The following CBLB variants were observed in gnomAD, a reference collection of about 807,000 sequenced individuals.
CBLB encodes the protein Cbl proto-oncogene B.
CBLB carries 31 observed loss-of-function variants against 104.9 expected under a neutral mutation model. The observed-to-expected ratio is 0.30, with a 90% CI of 0.22 to 0.40. The LOEUF is 0.40. CBLB is among the 10% of genes least tolerant of loss of function. The pLI, the probability that CBLB is intolerant of heterozygous loss-of-function variation, is 1.00. For synonymous variants in CBLB, 440 were observed against 422.6 expected (o/e 1.04, Z -0.51); for missense variants, 1,062 against 1,214.6 (o/e 0.87, Z 1.87).
intron 9 of CBLB, among the ~76,000 whole-genome samples, chr3:105,722,198 C>CAAAAAAAA (rs5851468): frequency 1.8e-4 from 15 of 84,386 alleles, no homozygotes; most frequent in East Asian, 3.1e-4. Context: ...GACCCCGTGC[C>CAAAAAAAA]AAAAAAAAAA....
chr3:105,673,259 GAGTTTCA>G (rs1399914472), intron 17 of CBLB: 1 of 152,064 alleles, frequency 6.6e-6, no homozygotes, highest in Non-Finnish European at 1.5e-5. Context: ...TGTAGAGCTG[GAGTTTCA>G]CCATGTTGGC....
chr3:105,733,040 A>T (rs2074490163), intron 9 of CBLB, among the ~76,000 whole-genome samples: 1 of 152,196 alleles, frequency 6.6e-6, no homozygotes, highest in Non-Finnish European at 1.5e-5. Flanking sequence ...GATCCATTTT[A>T]AAAATCCCCA....
intron 13 of CBLB, among the ~76,000 whole-genome samples, chr3:105,691,814 G>A (rs1214959713): frequency 1.3e-5 from 2 of 152,120 alleles, no homozygotes; most frequent in Admixed American, 6.5e-5. Flanking sequence ...ACCGTCCCCT[G>A]AATGATGCCA....
intron 4 of CBLB, among the ~76,000 whole-genome samples, chr3:105,772,060 T>A (rs1001656175): frequency 2.0e-5 from 3 of 152,026 alleles, no homozygotes; most frequent in Non-Finnish European, 2.9e-5. Flanking sequence ...AGAGACCATA[T>A]CACCAAAGCA....
At chr3:105,778,000 C>A (rs1488495538) in intron 3 of CBLB, among the ~76,000 whole-genome samples, 3 of 152,112 alleles carry the variant, frequency 2.0e-5, no homozygotes, top group African/African-American at 7.2e-5. Context: ...TCTTTATATT[C>A]CCTTTTGCTC....
intron 1 of CBLB, chr3:105,868,405 G>A (rs1443182218): frequency 2.5e-6 from 1 of 405,466 alleles, no homozygotes; most frequent in Non-Finnish European, 4.2e-6. Context: ...GCAGGAGGAA[G>A]GTGGACTGGG....
intron 2 of CBLB, among the ~76,000 whole-genome samples, chr3:105,856,864 C>A (rs1698896309): frequency 6.6e-6 from 1 of 152,104 alleles, no homozygotes; most frequent in Non-Finnish European, 1.5e-5. Context: ...AGAGTTCATT[C>A]TGCCCTAAAG....
intron 3 of CBLB, among the ~76,000 whole-genome samples, chr3:105,786,499 T>C (rs1287400845): frequency 1.3e-5 from 2 of 152,136 alleles, no homozygotes; most frequent in Admixed American, 1.3e-4. Flanking sequence ...GCCAAACCAC[T>C]TGCATGACCA....
intron 6 of CBLB, among the ~76,000 whole-genome samples, chr3:105,741,670 C>T (rs1180451612): frequency 6.6e-6 from 1 of 152,164 alleles, no homozygotes; most frequent in Non-Finnish European, 1.5e-5. Context: ...GCTGGGATTA[C>T]AGGCATGAGC....
At chr3:105,688,085 T>C (rs1243077057) in intron 13 of CBLB, among the ~76,000 whole-genome samples, 1 of 152,014 alleles carries the variant, frequency 6.6e-6, no homozygotes, top group Non-Finnish European at 1.5e-5. Context: ...GTAGAAAAAA[T>C]TTCTATCTTA....
intron 3 of CBLB, among the ~76,000 whole-genome samples, chr3:105,782,222 A>G (rs555868864): frequency 2.0e-5 from 3 of 152,190 alleles, no homozygotes; most frequent in Non-Finnish European, 4.4e-5. Flanking sequence ...AAATGTGTCT[A>G]AGGAGAGTAC....
intron 10 of CBLB, among the ~76,000 whole-genome samples, chr3:105,706,343 T>C (rs1479540318): frequency 1.3e-5 from 2 of 152,182 alleles, no homozygotes; most frequent in Non-Finnish European, 2.9e-5. Context: ...TAATGATTCT[T>C]TTTCATTTCT....
chr3:105,857,017 T>C (rs1430563570), intron 2 of CBLB, among the ~76,000 whole-genome samples: 1 of 152,180 alleles, frequency 6.6e-6, no homozygotes, highest in Non-Finnish European at 1.5e-5. Context: ...CAGGCATAGT[T>C]TAATGTCAGC....
chr3:105,751,413 C>T (rs373791262), intron 5 of CBLB, 49 bp downstream of exon 5: 164 of 1,320,180 alleles, frequency 1.2e-4, no homozygotes, highest in Non-Finnish European at 1.7e-4. Flanking sequence ...AGAGAAAAGA[C>T]AGGGAGAGAG....
At chr3:105,791,284 C>G (rs1190193117) in intron 3 of CBLB, among the ~76,000 whole-genome samples, 3 of 152,154 alleles carry the variant, frequency 2.0e-5, no homozygotes, top group Non-Finnish European at 4.4e-5. Context: ...GGAGTCTCAG[C>G]CCCTGGTGTA....
intron 18 of CBLB, among the ~76,000 whole-genome samples, chr3:105,666,181 A>T (rs1178344829): frequency 1.3e-5 from 2 of 152,232 alleles, no homozygotes; most frequent in Non-Finnish European, 2.9e-5. Context: ...TAAACCAGTG[A>T]CAATTCTTGG....
chr3:105,746,047 T>C lies in CBLB; in HGVS notation c.724-9A>G, dbSNP rs1387939399. On this transcript the variant is annotated splice_polypyrimidine_tract_variant and intron_variant, in intron 5 of 18. Coordinates refer to ENST00000394030, the MANE Select transcript of CBLB (RefSeq NM_170662.5). ...AAAATAGAGCCCCAAGGCTAAAAAA[T>C]AAAAAAATTAAAAGAGATTAGTATC... 3 of 1,571,824 alleles carry C rather than the reference T, an allele frequency of 1.9e-6. No individual in the cohort carries two copies. Among genetic ancestry groups the C allele is most frequent in the Non-Finnish European group, 2.6e-6 (3 of 1,143,022 alleles).
chr3:105,702,599 C>A (rs2069393056), intron 11 of CBLB, 140 bp from the exon 12 acceptor site: 3 of 859,864 alleles, frequency 3.5e-6, no homozygotes, highest in Non-Finnish European at 5.2e-6. Flanking sequence ...CCTGTGCCAT[C>A]TTTTAATAAG....
intron 13 of CBLB, among the ~76,000 whole-genome samples, chr3:105,686,061 G>A (rs932249109): frequency 1.3e-5 from 2 of 152,158 alleles, no homozygotes; most frequent in Non-Finnish European, 2.9e-5. Context: ...TAGATAATGA[G>A]AGAACTTATT....
Sources: gnomAD v4.1 joint callset for allele counts (sites outside exome capture counted in the v4.1 genomes callset) on GRCh38, gnomAD v4.1.1 for gene constraint, MANE v1.5 for transcripts, NCBI Gene and HGNC (gene_info 2026-07-23, HGNC 2026-07-21) for gene names.